PLCH1: variants seen among roughly 807,000 people sequenced by gnomAD.
PLCH1 encodes phospholipase C eta 1.
In PLCH1, 60 loss-of-function variants were observed where a neutral mutation model predicts 126.7. The ratio of observed to expected loss-of-function variants is 0.47; its 90% confidence interval spans 0.38 to 0.59. The LOEUF is 0.59. PLCH1 is among the 20% of genes least tolerant of loss of function. The pLI is 0.00. For synonymous variants in PLCH1, 719 were observed against 734.9 expected (o/e 0.98, Z 0.35); for missense variants, 1,723 against 2,040.0 (o/e 0.84, Z 2.99).
chr3:155,489,255 G>T (rs1425143275), intron 19 of PLCH1, among the ~76,000 whole-genome samples: 1 of 152,084 alleles, frequency 6.6e-6, no homozygotes, highest in Non-Finnish European at 1.5e-5. Context: ...GCATTTGCAG[G>T]TTTCAACTCC....
At chr3:155,603,416 C>G (rs1408809015) in intron 2 of PLCH1, among the ~76,000 whole-genome samples, 3 of 152,128 alleles carry the variant, frequency 2.0e-5, no homozygotes, top group Non-Finnish European at 4.4e-5. Context: ...TCAGCACAAA[C>G]CCAACACCTA....
Position 155,487,961 on chromosome 3 carries a change from A to G in PLCH1, c.2619+67T>C, listed in dbSNP as rs184421852. Reference sequence around the variant, plus strand: ...TCAAAATTTACATTCCTATTATGCAATTAATCAGTAGCATTGTTAAGGACC... The same window carrying G: ...TCAAAATTTACATTCCTATTATGCAGTTAATCAGTAGCATTGTTAAGGACC... On this transcript the variant is annotated intron_variant, in intron 21 of 22. Coordinates refer to ENST00000460012, the MANE Select transcript of PLCH1 (RefSeq NM_014996.4). 34 of 1,008,734 alleles carry G rather than the reference A, an allele frequency of 3.4e-5. No individual in the cohort carries two copies. The African/African-American group carries it at 5.0e-4, about 15-fold the overall frequency. 62.5% of individuals were successfully genotyped at this position (1,008,734 alleles called of 1,614,324 possible).
chr3:155,675,178 A>G (rs186691857), intron 2 of PLCH1, among the ~76,000 whole-genome samples: 13 of 152,302 alleles, frequency 8.5e-5, no homozygotes, highest in Non-Finnish European at 1.9e-4. Flanking sequence ...ACTAGCAACA[A>G]TCTCCAGACA....
At chr3:155,517,467 TA>T (rs1248901278) in intron 11 of PLCH1, among the ~76,000 whole-genome samples, 1 of 152,166 alleles carries the variant, frequency 6.6e-6, no homozygotes. Context: ...CTGAAAGCTC[TA>T]GGGGAGGATC....
At chr3:155,529,211 T>C (rs947148200) in intron 10 of PLCH1, among the ~76,000 whole-genome samples, 3 of 152,176 alleles carry the variant, frequency 2.0e-5, no homozygotes, top group Non-Finnish European at 2.9e-5. Flanking sequence ...CTATGGTATA[T>C]GGAAATATTG....
At chr3:155,614,514 C>A (rs1474570463) in intron 2 of PLCH1, among the ~76,000 whole-genome samples, 1 of 152,054 alleles carries the variant, frequency 6.6e-6, no homozygotes, top group Non-Finnish European at 1.5e-5. Context: ...GGAGGCATCA[C>A]ATTACCCAAC....
At position 155,742,144 on chromosome 3, in the gene PLCH1, C is replaced by T. The variant is rs1030552824; in HGVS notation, c.-41+2696G>A. ...ATTTCAGGACTCACAGCTCTTAGTT[C>T]ATTCAGAACAGAAATCTGGATTTAT... On this transcript the variant is annotated intron_variant, in intron 1 of 22. Coordinates refer to ENST00000460012, the MANE Select transcript of PLCH1 (RefSeq NM_014996.4). The T allele has an allele frequency of 4.6e-5, 7 of 152,162 alleles. No individual in the cohort carries two copies. The East Asian group carries it at 1.3e-3, about 29-fold the overall frequency. 9.4% of individuals were successfully genotyped at this position (152,162 alleles called of 1,614,324 possible).
At chr3:155,477,649 T>G (rs1713599874), downstream of PLCH1, among the ~76,000 whole-genome samples, 1 of 152,124 alleles carries the variant, frequency 6.6e-6, no homozygotes, top group African/African-American at 2.4e-5. Context: ...GAAAAGGTGC[T>G]CAACATCATT....
intron 2 of PLCH1, among the ~76,000 whole-genome samples, chr3:155,606,816 G>C (rs1442328212): frequency 5.3e-5 from 8 of 152,156 alleles, no homozygotes; most frequent in Admixed American, 1.3e-4. Flanking sequence ...TCATCCAGTT[G>C]AGTTCCCAAC....
At chr3:155,522,954 C>CT (rs1277112622) in intron 11 of PLCH1, among the ~76,000 whole-genome samples, 42 of 48,088 alleles carry the variant, frequency 8.7e-4, no homozygotes, top group South Asian at 4.2e-3. Flanking sequence ...TGATGCTTTT[C>CT]TTTTTTTGCG....
At chr3:155,737,059 G>A (rs1018165964) in intron 1 of PLCH1, among the ~76,000 whole-genome samples, 1 of 151,374 alleles carries the variant, frequency 6.6e-6, no homozygotes, top group African/African-American at 2.4e-5. Context: ...GTGAAACCCC[G>A]TCTCTACTAA....
At chr3:155,568,382 C>A (rs1244245541) in intron 6 of PLCH1, 58 bp from the exon 7 acceptor site, 1 of 729,674 alleles carries the variant, frequency 1.4e-6, no homozygotes, top group Admixed American at 2.3e-5. Flanking sequence ...TGTTCCTCCA[C>A]AGTAGAAAGA....
Position 155,470,577 on chromosome 3 carries a change from G to A in PLCH1, c.2938+14779C>T, listed in dbSNP as rs1178230428. Reference sequence around the variant, plus strand: ...TTCAGATTCAGGAAATACAGAAAACGCCACAAAGATACTCCTCGAGAAGAG... The same window carrying A: ...TTCAGATTCAGGAAATACAGAAAACACCACAAAGATACTCCTCGAGAAGAG... On this transcript the variant is annotated intron_variant, in intron 21 of 21. Transcript: ENST00000494598. Among the ~76,000 whole-genome samples, 5 of 152,068 alleles carry A rather than the reference G, an allele frequency of 3.3e-5. 1 individual carries two copies. Among genetic ancestry groups the A allele is most frequent in the South Asian group, 4.2e-4 (2 of 4,814 alleles).
At chr3:155,542,242 C>T (rs181767562) in intron 10 of PLCH1, among the ~76,000 whole-genome samples, 1 of 152,234 alleles carries the variant, frequency 6.6e-6, no homozygotes, top group East Asian at 1.9e-4. Flanking sequence ...TATCCCGCAC[C>T]TGGCTCGGAG....
chr3:155,566,016 AC>A (rs988156272), intron 7 of PLCH1, among the ~76,000 whole-genome samples: 4 of 150,356 alleles, frequency 2.7e-5, no homozygotes, highest in Non-Finnish European at 5.9e-5. Flanking sequence ...CCTAATGGCA[AC>A]ACAAGAACAG....
Position 155,482,707 on chromosome 3 carries a change from C to T in PLCH1, c.3319G>A (p.Asp1107Asn). 6.2e-7 allele frequency: 1 copy of T among 1,614,204 alleles called. No individual in the cohort carries two copies. Among genetic ancestry groups the T allele is most frequent in the Non-Finnish European group, 8.5e-7 (1 of 1,180,034 alleles). ...AAGATGCTTTTCCCTTCCACAAAGTCCTCAGGATTACCCTTTTCCTTGATT... is the reference window on the plus strand; with the variant it reads ...AAGATGCTTTTCCCTTCCACAAAGTTCTCAGGATTACCCTTTTCCTTGATT... ...VKIKEKGNPE[D>N]FVEGKSILSG... Residue 1107 changes from aspartate (D) to asparagine (N), a missense_variant, in exon 23 of 23, where the codon GAC (aspartate) becomes AAC (asparagine). Around this residue, in one of 2 missense-constraint regions of PLCH1, gnomAD observed 947 missense variants for 977.1 expected, o/e 0.97. Coordinates refer to ENST00000460012, the MANE Select transcript of PLCH1 (RefSeq NM_014996.4).
At chr3:155,546,099 T>C (rs1249764554) in intron 10 of PLCH1, among the ~76,000 whole-genome samples, 1 of 152,118 alleles carries the variant, frequency 6.6e-6, no homozygotes, top group East Asian at 1.9e-4. Flanking sequence ...AGTCAAATGG[T>C]CCCTGTTTGC....
intron 2 of PLCH1, among the ~76,000 whole-genome samples, chr3:155,662,604 C>A (rs929781439): frequency 6.6e-6 from 1 of 151,852 alleles, no homozygotes; most frequent in Non-Finnish European, 1.5e-5. Flanking sequence ...ATACCCCCAG[C>A]CCCAGTGGGA....
chr3:155,455,897 G>C (rs1445257950), intron 21 of PLCH1, among the ~76,000 whole-genome samples: 35 of 152,148 alleles, frequency 2.3e-4, no homozygotes, highest in Admixed American at 2.2e-3. Flanking sequence ...TCACAAATGA[G>C]GACTGATAAG....
Sources: gnomAD v4.1 joint callset for allele counts (sites outside exome capture counted in the v4.1 genomes callset) on GRCh38, gnomAD v4.1.1 for gene constraint, gnomAD v4.1.1 regional missense constraint, MANE v1.5 for transcripts, NCBI Gene and HGNC (gene_info 2026-07-23, HGNC 2026-07-21) for gene names.